The following PRIM2 variants were observed in gnomAD, a reference collection of about 807,000 sequenced individuals.
PRIM2 encodes DNA primase large subunit.
In PRIM2, 39 loss-of-function variants were observed where a neutral mutation model predicts 67.3. The observed-to-expected ratio is 0.58, with a 90% CI of 0.45 to 0.76. The LOEUF (loss-of-function observed/expected upper bound fraction) is 0.76. PRIM2 is among the 30% of genes least tolerant of loss of function. The pLI, the probability that PRIM2 is intolerant of heterozygous loss-of-function variation, is 0.00. For synonymous variants in PRIM2, 143 were observed against 198.7 expected (o/e 0.72, Z 2.36); for missense variants, 398 against 598.7 (o/e 0.66, Z 3.50).
At chr6:57,522,738 T>C (rs1214505883) in intron 8 of PRIM2, among the ~76,000 whole-genome samples, 1 of 152,360 alleles carries the variant, frequency 6.6e-6, no homozygotes, top group African/African-American at 2.4e-5. Flanking sequence ...AAATCCAGTG[T>C]GTACTTTGTA....
At chr6:57,416,258 C>T (rs1410135888) in intron 7 of PRIM2, among the ~76,000 whole-genome samples, 6 of 152,318 alleles carry the variant, frequency 3.9e-5, no homozygotes, top group African/African-American at 1.4e-4. Flanking sequence ...TATCAGAGCT[C>T]TTCAGTGACC....
intron 5 of PRIM2, among the ~76,000 whole-genome samples, chr6:57,346,358 C>A (rs1399800870): frequency 6.6e-6 from 1 of 152,064 alleles, no homozygotes; most frequent in African/African-American, 2.4e-5. Context: ...ACTCTGTCGC[C>A]CAGGCTGGAG....
At chr6:57,359,509 A>T (rs976415123) in intron 5 of PRIM2, among the ~76,000 whole-genome samples, 5 of 152,202 alleles carry the variant, frequency 3.3e-5, no homozygotes, top group African/African-American at 1.2e-4. Flanking sequence ...CCCTTTCTGA[A>T]TACCTGACCA....
intron 10 of PRIM2, among the ~76,000 whole-genome samples, chr6:57,558,073 C>G (rs1480488996): frequency 1.3e-5 from 2 of 152,046 alleles, no homozygotes; most frequent in Non-Finnish European, 2.9e-5. Flanking sequence ...AGAGCCCAGA[C>G]CTATTTGCCA....
At chr6:57,247,637 T>A in the PRIM2 span, among the ~76,000 whole-genome samples, 122 of 152,332 alleles carry the variant, frequency 8.0e-4, no homozygotes, top group Middle Eastern at 3.4e-3. Flanking sequence ...GTGGTTGCTC[T>A]GTGTGAGGAG....
chr6:57,619,797 C>T (rs1351449913), intron 12 of PRIM2, among the ~76,000 whole-genome samples: 84 of 152,252 alleles, frequency 5.5e-4, no homozygotes, highest in South Asian at 1.7e-3. Context: ...TAAGAGTAAT[C>T]GGTATTCCTG....
Position 57,645,927 on chromosome 6 carries a change from G to T in PRIM2, c.1300-1G>T. 2 of 1,489,212 alleles carry T rather than the reference G, an allele frequency of 1.3e-6. No individual in the cohort carries two copies. The highest frequency in any genetic ancestry group is 1.9e-6 in the Non-Finnish European group (2 of 1,068,810). 92.2% of individuals were successfully genotyped at this position (1,489,212 alleles called of 1,614,324 possible). On this transcript the variant is annotated splice_acceptor_variant, in intron 13 of 13. Coordinates refer to ENST00000615550, the MANE Select transcript of PRIM2 (RefSeq NM_000947.5). LOFTEE classifies it high-confidence loss of function. ...GCAATATAAATTTCCTTCCTTTACA[G>T]GTGGATGATTGTGGCTTTTCTTTGA...
At position 57,547,818 on chromosome 6, in the gene PRIM2, G is replaced by A. The variant is rs1418929941; in HGVS notation, c.1020+10193G>A. Reference sequence around the variant, plus strand: ...TGTTTTCTTCCAGAATCTAGCTTGCGTCAAGACTAAGAACAAACTTGTGTT... The same window carrying A: ...TGTTTTCTTCCAGAATCTAGCTTGCATCAAGACTAAGAACAAACTTGTGTT... On this transcript the variant is annotated intron_variant, in intron 10 of 13. Transcript: ENST00000615550. 1.4e-4 allele frequency among the ~76,000 whole-genome samples: 21 copies of A among 152,330 alleles called. No homozygotes were observed. The East Asian group carries it at 2.5e-3, about 18-fold the overall frequency.
At chr6:57,312,697 G>T (rs566907491), upstream of PRIM2, among the ~76,000 whole-genome samples, 6 of 152,134 alleles carry the variant, frequency 3.9e-5, no homozygotes, top group South Asian at 1.2e-3. Flanking sequence ...ACATTATTGT[G>T]CAACTATCAC....
chr6:57,617,690 C>T (rs1240216956), intron 12 of PRIM2, among the ~76,000 whole-genome samples: 1 of 151,988 alleles, frequency 6.6e-6, no homozygotes, highest in Non-Finnish European at 1.5e-5. Flanking sequence ...AATATGTTCT[C>T]CTATTCTGTA....
chr6:57,353,572 A>G (rs1768926335), intron 5 of PRIM2, among the ~76,000 whole-genome samples: 1 of 152,330 alleles, frequency 6.6e-6, no homozygotes, highest in East Asian at 1.9e-4. Flanking sequence ...ATGCACACAT[A>G]CATAAAGAAG....
At chr6:57,542,790 T>C (rs1323321091) in intron 10 of PRIM2, among the ~76,000 whole-genome samples, 3 of 151,936 alleles carry the variant, frequency 2.0e-5, no homozygotes, top group African/African-American at 7.2e-5. Flanking sequence ...ATCGTTTACA[T>C]GTTTTTTCAA....
the PRIM2 span, among the ~76,000 whole-genome samples, chr6:57,283,889 A>T: frequency 2.0e-5 from 3 of 152,046 alleles, no homozygotes; most frequent in East Asian, 1.9e-4. Context: ...ATTTTTTTTT[A>T]AAAGCTAACT....
At chr6:57,292,472 T>C in the PRIM2 span, among the ~76,000 whole-genome samples, 1 of 152,174 alleles carries the variant, frequency 6.6e-6, no homozygotes, top group South Asian at 2.1e-4. Flanking sequence ...CCAATGACTT[T>C]CTTCACAGAA....
the PRIM2 span, among the ~76,000 whole-genome samples, chr6:57,275,288 A>G: frequency 6.6e-6 from 1 of 152,148 alleles, no homozygotes; most frequent in African/African-American, 2.4e-5. Context: ...AGGTGGGTGA[A>G]TCAAATGAGG....
intron 7 of PRIM2, chr6:57,497,796 GGAAA>G (rs1364611430): frequency 7.9e-5 from 12 of 152,054 alleles, no homozygotes; most frequent in Non-Finnish European, 1.5e-4. Context: ...AGAGCCCTGT[GGAAA>G]CCAAAAAGTG....
At chr6:57,501,779 A>G (rs1774136836) in intron 7 of PRIM2, among the ~76,000 whole-genome samples, 2 of 152,226 alleles carry the variant, frequency 1.3e-5, no homozygotes, top group Non-Finnish European at 2.9e-5. Flanking sequence ...TTAAATAACA[A>G]GGCTATTTCT....
chr6:57,585,655 A>T (rs1344603570), intron 10 of PRIM2, among the ~76,000 whole-genome samples: 79 of 152,262 alleles, frequency 5.2e-4, no homozygotes, highest in South Asian at 1.9e-3. Flanking sequence ...ATTGAAGGTG[A>T]ACAGATAGTG....
rs560050485 is a variant in PRIM2, at chr6:57,440,007, CT to C, written c.693+57840del. 9.1e-4 allele frequency among the ~76,000 whole-genome samples: 138 copies of C among 151,674 alleles called. 1 individual carries two copies. The highest frequency in any genetic ancestry group is 3.2e-3 in the African/African-American group (132 of 41,328). On this transcript the variant is annotated intron_variant, in intron 7 of 13. Transcript: ENST00000615550. ...TAAATAAATATTTGTTCGCGTTTTT[CT>C]GTTGACTAGAGTAATATATGTTCTT...
Sources: allele counts gnomAD v4.1 joint callset (sites outside exome capture counted in the v4.1 genomes callset), GRCh38; gene constraint gnomAD v4.1.1; transcripts MANE v1.5; gene names NCBI Gene and HGNC (gene_info 2026-07-23, HGNC 2026-07-21).